SLC2A13: variants seen among roughly 807,000 people sequenced by gnomAD.
The protein encoded by SLC2A13 is proton myo-inositol cotransporter.
Under a neutral mutation model 64.4 loss-of-function variants are expected in SLC2A13, and 32 were observed. That is an observed-to-expected ratio of 0.50 (90% CI 0.37 to 0.67). The LOEUF is 0.67. Among genes scored for constraint, SLC2A13 ranks in the 30% least tolerant of loss-of-function variants. The probability of loss-of-function intolerance (pLI) is 0.00; values close to 1 mark genes in which losing one functional copy is unlikely to be tolerated. For missense variants in SLC2A13, 743 were observed against 829.2 expected, an observed-to-expected ratio of 0.90 and a Z score of 1.28; for synonymous variants, 338 against 327.1, an observed-to-expected ratio of 1.03 and a Z score of -0.36.
intron 4 of SLC2A13, among the ~76,000 whole-genome samples, chr12:39,949,019 G>C (rs1946185650): frequency 6.6e-6 from 1 of 152,076 alleles, no homozygotes; most frequent in Non-Finnish European, 1.5e-5. Flanking sequence ...CACAAATAAA[G>C]ACTAGAGAGA....
chr12:40,065,838 C>G (rs1937698258), intron 1 of SLC2A13, among the ~76,000 whole-genome samples: 1 of 152,126 alleles, frequency 6.6e-6, no homozygotes, highest in East Asian at 1.9e-4. Context: ...TGTTTTATTT[C>G]AAAGTCTCAC....
At chr12:39,873,854 G>T (rs761171443) in intron 4 of SLC2A13, among the ~76,000 whole-genome samples, 28 of 152,144 alleles carry the variant, frequency 1.8e-4, no homozygotes, top group Non-Finnish European at 3.8e-4. Flanking sequence ...AAACTGACCT[G>T]GGATTCAGAA....
chr12:39,867,950 C>CTTTA (rs1380875615), intron 5 of SLC2A13, among the ~76,000 whole-genome samples: 2 of 152,138 alleles, frequency 1.3e-5, no homozygotes, highest in Non-Finnish European at 2.9e-5. Flanking sequence ...TCTTAAACGA[C>CTTTA]TTTATTTATA....
At chr12:39,951,413 T>C in intron 3 of SLC2A13, 48 bp from the exon 4 acceptor site, 1 of 1,464,614 alleles carries the variant, frequency 6.8e-7, no homozygotes, top group South Asian at 1.4e-5. Flanking sequence ...TATTTTTAGC[T>C]CTCATAGTAA....
Position 40,076,730 on chromosome 12 carries a change from T to C in SLC2A13, c.557-28520A>G, listed in dbSNP as rs540458698. ...TTACATTGAGAAATCACCACAATGC[T>C]TTCCACGGTGGTTGAACTAATTTAC... On this transcript the variant is annotated intron_variant, in intron 1 of 9. Coordinates refer to ENST00000280871, the MANE Select transcript of SLC2A13 (RefSeq NM_052885.4). Among the ~76,000 whole-genome samples, 7 of 152,304 alleles carry C rather than the reference T, an allele frequency of 4.6e-5. No homozygotes were observed. The South Asian group carries it at 1.4e-3, about 32-fold the overall frequency.
At chr12:39,888,096 T>G (rs988079898) in intron 4 of SLC2A13, among the ~76,000 whole-genome samples, 1 of 152,250 alleles carries the variant, frequency 6.6e-6, no homozygotes, top group Non-Finnish European at 1.5e-5. Flanking sequence ...CCATGGAGGA[T>G]CCATGTGCTT....
intron 7 of SLC2A13, among the ~76,000 whole-genome samples, chr12:39,768,555 G>T (rs1940445623): frequency 6.6e-6 from 1 of 152,056 alleles, no homozygotes; most frequent in South Asian, 2.1e-4. Context: ...CCATTGTAGA[G>T]TTATTAACTG....
At chr12:39,794,161 C>G (rs1450439352) in intron 7 of SLC2A13, among the ~76,000 whole-genome samples, 1 of 144,688 alleles carries the variant, frequency 6.9e-6, no homozygotes, top group Non-Finnish European at 1.5e-5. Flanking sequence ...CAAAACAAAA[C>G]CTCCCTTCTG....
chr12:40,052,907 C>A (rs1028828116), intron 1 of SLC2A13, among the ~76,000 whole-genome samples: 2 of 152,030 alleles, frequency 1.3e-5, no homozygotes, highest in African/African-American at 2.4e-5. Context: ...AGGTTCATGA[C>A]GAGCAAATAT....
At chr12:39,781,772 C>A (rs1940994455) in intron 7 of SLC2A13, among the ~76,000 whole-genome samples, 2 of 152,172 alleles carry the variant, frequency 1.3e-5, no homozygotes, top group Admixed American at 1.3e-4. Context: ...TGTCGTGCTT[C>A]TCTTTAGAAT....
intron 4 of SLC2A13, among the ~76,000 whole-genome samples, chr12:39,919,909 A>G (rs1278464448): frequency 6.6e-6 from 1 of 152,114 alleles, no homozygotes; most frequent in Non-Finnish European, 1.5e-5. Flanking sequence ...CCCCAAAGCT[A>G]TTATAGTAAA....
At chr12:39,875,313 A>G (rs1371358935) in intron 4 of SLC2A13, among the ~76,000 whole-genome samples, 1 of 152,168 alleles carries the variant, frequency 6.6e-6, no homozygotes, top group East Asian at 1.9e-4. Flanking sequence ...CTCAGTCTTC[A>G]AAGCCAACAA....
intron 3 of SLC2A13, among the ~76,000 whole-genome samples, chr12:40,017,976 T>TAAAA (rs5797648): frequency 7.8e-6 from 1 of 128,544 alleles, no homozygotes; most frequent in Non-Finnish European, 1.6e-5. Context: ...TGCACATATT[T>TAAAA]AAAAAAAAAA....
At chr12:40,000,960 A>T (rs972599762) in intron 3 of SLC2A13, among the ~76,000 whole-genome samples, 3 of 152,222 alleles carry the variant, frequency 2.0e-5, no homozygotes. Context: ...TGCCACACAC[A>T]GGCTGCAATG....
intron 4 of SLC2A13, among the ~76,000 whole-genome samples, chr12:39,877,874 C>T (rs746790243): frequency 1.2e-4 from 19 of 152,156 alleles, no homozygotes; most frequent in Non-Finnish European, 2.6e-4. Flanking sequence ...ATGTAGTCCC[C>T]AGTGCTGAGG....
intron 3 of SLC2A13, among the ~76,000 whole-genome samples, chr12:39,965,518 A>G (rs1946494100): frequency 6.6e-6 from 1 of 152,192 alleles, no homozygotes; most frequent in South Asian, 2.1e-4. Flanking sequence ...CCTGGCTTAG[A>G]ATAAAGTAAT....
chr12:40,067,040 G>A (rs957268689), intron 1 of SLC2A13, among the ~76,000 whole-genome samples: 1 of 152,220 alleles, frequency 6.6e-6, no homozygotes, highest in East Asian at 1.9e-4. Flanking sequence ...CGAGTTGCAG[G>A]TCTGCCACTT....
intron 6 of SLC2A13, among the ~76,000 whole-genome samples, chr12:39,858,934 A>G (rs1027843243): frequency 2.0e-5 from 3 of 152,146 alleles, no homozygotes; most frequent in Non-Finnish European, 4.4e-5. Flanking sequence ...GGTTGCATAA[A>G]AGTTTTATGA....
chr12:39,882,981 A>AT (rs35991985), intron 4 of SLC2A13, among the ~76,000 whole-genome samples: 1 of 152,124 alleles, frequency 6.6e-6, no homozygotes, highest in Non-Finnish European at 1.5e-5. Flanking sequence ...GTTTATGAAT[A>AT]TTTTTTAGGC....
Sources: allele counts gnomAD v4.1 joint callset (sites outside exome capture counted in the v4.1 genomes callset), GRCh38; gene constraint gnomAD v4.1.1; transcripts MANE v1.5; gene names NCBI Gene and HGNC (gene_info 2026-07-23, HGNC 2026-07-21).